CDS2: variants seen among roughly 807,000 people sequenced by gnomAD.
The protein encoded by CDS2 is CDP-diacylglycerol synthase 2.
In CDS2, 47 loss-of-function variants were observed where a neutral mutation model predicts 59.0. That is an observed-to-expected ratio of 0.80 (90% CI 0.63 to 1.02). CDS2 has a LOEUF of 1.02. Ranked by LOEUF, CDS2 falls within the 50% of genes least tolerant of loss-of-function variation. The pLI is 0.00. For synonymous variants in CDS2, 207 were observed against 206.4 expected (o/e 1.00, Z -0.02); for missense variants, 356 against 558.9 (o/e 0.64, Z 3.66).
chr20:5,165,070 A>G (rs567648304), intron 1 of CDS2, among the ~76,000 whole-genome samples: 1 of 152,326 alleles, frequency 6.6e-6, no homozygotes, highest in South Asian at 2.1e-4. Context: ...GGTTTAATGT[A>G]TGAGACTGGC....
chr20:5,168,474 A>G (rs1385936596), intron 1 of CDS2: 5 of 363,550 alleles, frequency 1.4e-5, no homozygotes, highest in Admixed American at 3.5e-5. Context: ...AGGGTAGGAT[A>G]GGTTCCACCG....
At chr20:5,161,263 A>T (rs2090874632) in intron 1 of CDS2, among the ~76,000 whole-genome samples, 1 of 152,132 alleles carries the variant, frequency 6.6e-6, no homozygotes, top group South Asian at 2.1e-4. Context: ...ACTCTAGTGG[A>T]TGTGAAGTGT....
chr20:5,144,327 G>A (rs2090721642), intron 1 of CDS2, among the ~76,000 whole-genome samples: 1 of 152,172 alleles, frequency 6.6e-6, no homozygotes, highest in South Asian at 2.1e-4. Flanking sequence ...GATAACGTGG[G>A]TGAGTTGGGT....
At chr20:5,168,439 GAAAAA>G (rs11287231) in intron 1 of CDS2, among the ~76,000 whole-genome samples, 1 of 136,566 alleles carries the variant, frequency 7.3e-6, no homozygotes, top group Non-Finnish European at 1.5e-5. Flanking sequence ...AAAAAGAAAA[GAAAAA>G]AAAAAAAGAA....
intron 1 of CDS2, among the ~76,000 whole-genome samples, chr20:5,152,105 A>G (rs1172468173): frequency 6.6e-6 from 1 of 151,942 alleles, no homozygotes; most frequent in East Asian, 1.9e-4. Flanking sequence ...CAAAAAAACA[A>G]AAACAGGCAA....
At chr20:5,189,929 G>A (rs988003294) in intron 12 of CDS2, 91 bp downstream of exon 12, 1 of 1,364,474 alleles carries the variant, frequency 7.3e-7, no homozygotes, top group Non-Finnish European at 1.0e-6. Flanking sequence ...CCAGTGAAAA[G>A]CATCCCAAAT....
At chr20:5,142,721 AAAGG>A (rs1294431526) in intron 1 of CDS2, among the ~76,000 whole-genome samples, 4 of 152,234 alleles carry the variant, frequency 2.6e-5, no homozygotes, top group Non-Finnish European at 5.9e-5. Context: ...TTAAGAGTGA[AAAGG>A]AAGGCCACAG....
At chr20:5,137,021 G>A (rs996067674) in intron 1 of CDS2, among the ~76,000 whole-genome samples, 1 of 152,150 alleles carries the variant, frequency 6.6e-6, no homozygotes, top group African/African-American at 2.4e-5. Context: ...CTCTGCAAGT[G>A]AGAACATGTA....
chr20:5,164,662 C>T (rs6076783), intron 1 of CDS2, among the ~76,000 whole-genome samples: 1 of 151,656 alleles, frequency 6.6e-6, no homozygotes, highest in Non-Finnish European at 1.5e-5. Flanking sequence ...TCCCCAGTAG[C>T]GCTGAAAACT....
intron 1 of CDS2, among the ~76,000 whole-genome samples, chr20:5,167,028 G>C (rs979576609): frequency 7.9e-5 from 12 of 152,186 alleles, no homozygotes; most frequent in African/African-American, 1.2e-4. Context: ...GGGCAATGGA[G>C]TGAGTCTCTA....
At chr20:5,152,260 G>A (rs986645250) in intron 1 of CDS2, among the ~76,000 whole-genome samples, 2 of 151,980 alleles carry the variant, frequency 1.3e-5, no homozygotes, top group African/African-American at 4.8e-5. Flanking sequence ...TTCCTCTTAA[G>A]CTTTCATCTC....
intron 8 of CDS2, 79 bp from the exon 9 acceptor site, chr20:5,185,679 G>A (rs1024209446): frequency 5.5e-6 from 7 of 1,278,622 alleles, no homozygotes; most frequent in African/African-American, 4.4e-5. Flanking sequence ...TGAAAGAAAG[G>A]TTCTTAACAA....
chr20:5,172,129 A>G (rs1323246103), intron 1 of CDS2, among the ~76,000 whole-genome samples: 2 of 152,148 alleles, frequency 1.3e-5, no homozygotes, highest in East Asian at 3.9e-4. Flanking sequence ...CTCTTCTTCC[A>G]TCCATTAGTA....
rs2091113592 is a variant in CDS2 at position 5,191,409 on chromosome 20, CTG to C, written c.*1178_*1179del. On this transcript the variant is annotated 3_prime_UTR_variant, in exon 13 of 13. Transcript: ENST00000460006. ...CTTTCGTTGTTGTTGTTTGCTTAAA[CTG>C]TGATTTTTTTTCCCCTCCCTAATTT... 6.6e-6 allele frequency: 1 copy of C among 151,528 alleles called. No individual in the cohort carries two copies. Among genetic ancestry groups the C allele is most frequent in the Non-Finnish European group, 1.5e-5 (1 of 67,676 alleles). The allele number at this position is 151,528 out of a possible 1,614,324, so 9.4% of individuals were successfully genotyped here. A position where few individuals can be genotyped will look rare whatever the true frequency, so the allele number is the denominator to read the frequency against.
intron 1 of CDS2, among the ~76,000 whole-genome samples, chr20:5,171,582 A>G (rs144699828): frequency 7.2e-5 from 11 of 152,232 alleles, no homozygotes; most frequent in Non-Finnish European, 1.5e-4. Context: ...CAATGTTGAA[A>G]TAAAGATTGG....
At chr20:5,146,301 A>G (rs1046504688) in intron 1 of CDS2, among the ~76,000 whole-genome samples, 17 of 152,212 alleles carry the variant, frequency 1.1e-4, no homozygotes, top group African/African-American at 3.9e-4. Flanking sequence ...GGTGCTGACA[A>G]TGACCCTGGG....
intron 1 of CDS2, among the ~76,000 whole-genome samples, chr20:5,165,791 A>T (rs1213009571): frequency 6.6e-6 from 1 of 152,198 alleles, no homozygotes; most frequent in Non-Finnish European, 1.5e-5. Context: ...CTCTTAAAAG[A>T]TCAAGGAAAA....
At chr20:5,165,999 C>T (rs2123025027) in intron 1 of CDS2, among the ~76,000 whole-genome samples, 1 of 152,172 alleles carries the variant, frequency 6.6e-6, no homozygotes, top group East Asian at 1.9e-4. Flanking sequence ...ATTTTGAAGA[C>T]CTGTCATCTA....
chr20:5,163,771 C>CTTTCATAA (rs1335316212), intron 1 of CDS2, among the ~76,000 whole-genome samples: 3 of 148,616 alleles, frequency 2.0e-5, no homozygotes, highest in African/African-American at 7.4e-5. Flanking sequence ...AGCATTGTGG[C>CTTTCATAA]TTTCATAATT....
Sources: gnomAD v4.1 joint callset for allele counts (sites outside exome capture counted in the v4.1 genomes callset) on GRCh38, gnomAD v4.1.1 for gene constraint, MANE v1.5 for transcripts, NCBI Gene and HGNC (gene_info 2026-07-23, HGNC 2026-07-21) for gene names.